Variants in APOBEC3F observed in about 807,000 individuals in gnomAD.
APOBEC3F encodes the protein DNA dC->dU-editing enzyme APOBEC-3F.
Under a neutral mutation model 45.8 loss-of-function variants are expected in APOBEC3F, and 34 were observed. The observed-to-expected ratio is 0.74, with a 90% CI of 0.57 to 0.99. APOBEC3F has a LOEUF of 0.99. Ranked by LOEUF, APOBEC3F falls within the 50% of genes least tolerant of loss-of-function variation. APOBEC3F has a pLI of 0.00. For missense variants in APOBEC3F, 459 were observed against 474.1 expected, an observed-to-expected ratio of 0.97 and a Z score of 0.30; for synonymous variants, 192 against 174.4, an observed-to-expected ratio of 1.10 and a Z score of -0.80.
chr22:39,048,789 G>A (rs1386306382), intron 4 of APOBEC3F, among the ~76,000 whole-genome samples: 2 of 151,118 alleles, frequency 1.3e-5, no homozygotes, highest in Non-Finnish European at 2.9e-5. Flanking sequence ...CCTGGCGACA[G>A]ACTGAGACCC....
rs906029109 is a variant in APOBEC3F, at chr22:39,046,901, C to T, written c.566+1359C>T. ...GAGATGCCAGGAGCTCTCCAGGAAGCACAATAGAAAAAGGCAACCAGAGAC... is the reference window on the plus strand; with the variant it reads ...GAGATGCCAGGAGCTCTCCAGGAAGTACAATAGAAAAAGGCAACCAGAGAC... On this transcript the variant is annotated intron_variant, in intron 4 of 6. Transcript: ENST00000308521. Among the ~76,000 whole-genome samples, 9 of 152,162 alleles carry T rather than the reference C, an allele frequency of 5.9e-5. No homozygotes were observed. The Middle Eastern group carries it at 0.014, about 230-fold the overall frequency.
chr22:39,049,571 T>A lies in APOBEC3F; in HGVS notation c.713T>A (p.Phe238Tyr). The change falls in exon 5 of 7, where the codon TTC becomes TAC. Residue 238 changes from phenylalanine (F) to tyrosine (Y), a missense_variant. Phe to Tyr is a conservative substitution (Grantham distance 22). Coordinates refer to ENST00000308521, the MANE Select transcript of APOBEC3F (RefSeq NM_145298.6). ...HSPVSWKRGV[F>Y]RNQVDPETHC... Reference sequence around the variant, plus strand: ...CCTGTCTCCTGGAAGAGGGGCGTCTTCCGAAACCAGGTAGCACCAAAGTCC... The same window carrying A: ...CCTGTCTCCTGGAAGAGGGGCGTCTACCGAAACCAGGTAGCACCAAAGTCC... 1 of 1,614,012 alleles carries A rather than the reference T, an allele frequency of 6.2e-7. No homozygotes were observed. Among genetic ancestry groups the A allele is most frequent in the East Asian group, 2.2e-5 (1 of 44,886 alleles).
Position 39,055,945 on chromosome 22 carries a change from G to A in APOBEC3F, c.*3250G>A, listed in dbSNP as rs1475292543. Reference sequence around the variant, plus strand: ...AGATGCAAGTCTGTCAACGCTCCCAGCTGATTAAAGCCTCTTCCTTCCTAA... The same window carrying A: ...AGATGCAAGTCTGTCAACGCTCCCAACTGATTAAAGCCTCTTCCTTCCTAA... On this transcript the variant is annotated 3_prime_UTR_variant, in exon 7 of 7. Coordinates refer to ENST00000308521, the MANE Select transcript of APOBEC3F (RefSeq NM_145298.6). 6.6e-6 allele frequency among the ~76,000 whole-genome samples: 1 copy of A among 152,212 alleles called. No individual in the cohort carries two copies. Among genetic ancestry groups the A allele is most frequent in the Non-Finnish European group, 1.5e-5 (1 of 68,036 alleles).
intron 1 of APOBEC3F, among the ~76,000 whole-genome samples, chr22:39,041,662 G>A (rs1490459556): frequency 2.6e-5 from 4 of 151,998 alleles, no homozygotes; most frequent in South Asian, 4.2e-4. Flanking sequence ...TCGGGAGTTC[G>A]AGACCATCCT....
At chr22:39,042,306 C>CTTTTTTTTTTT (rs1569067992) in intron 1 of APOBEC3F, among the ~76,000 whole-genome samples, 2 of 132,532 alleles carry the variant, frequency 1.5e-5, no homozygotes. Context: ...TTTATTCTCT[C>CTTTTTTTTTTT]TCTCTTTTTT....
At position 39,052,153 on chromosome 22, in the gene APOBEC3F, A is replaced by G; in HGVS notation, c.803A>G (p.Asn268Ser). Reference protein sequence around the residue: ...FCDDILSPNTNYEVTWYTSWS... With the variant: ...FCDDILSPNTSYEVTWYTSWS... ...GACGACATACTGTCTCCTAACACAA[A>G]CTACGAGGTCACCTGGTACACATCT... The change falls in exon 6 of 7, where the codon AAC (asparagine) becomes AGC (serine). Residue 268 changes from asparagine (N) to serine (S), a missense_variant. Coordinates refer to ENST00000308521, the MANE Select transcript of APOBEC3F (RefSeq NM_145298.6). The G allele has an allele frequency of 6.2e-7, 1 of 1,613,952 alleles. No homozygotes were observed. The highest frequency in any genetic ancestry group is 8.5e-7 in the Non-Finnish European group (1 of 1,179,910).
chr22:39,047,367 C>G (rs549830627), intron 4 of APOBEC3F, among the ~76,000 whole-genome samples: 2 of 152,282 alleles, frequency 1.3e-5, no homozygotes, highest in Admixed American at 6.5e-5. Flanking sequence ...GAGACCTGCA[C>G]TCAGATGGGC....
chr22:39,050,557 T>G (rs1927437708), intron 5 of APOBEC3F, among the ~76,000 whole-genome samples: 1 of 149,966 alleles, frequency 6.7e-6, no homozygotes, highest in South Asian at 2.1e-4. Context: ...CGACAAGAAC[T>G]TGTGGAAGAA....
chr22:39,041,285 C>T lies in APOBEC3F; in HGVS notation c.17+308C>T, dbSNP rs73421880. Among the ~76,000 whole-genome samples the T allele has an allele frequency of 4.0e-3, 610 of 152,328 alleles. 4 individuals carry two copies. Among genetic ancestry groups the T allele is most frequent in the African/African-American group, 0.014 (581 of 41,574 alleles). The stretch of plus-strand genomic sequence containing the variant: ...CCTGGGAGGGTGCTCCCTCTGTGTT[C>T]TTTCCGCCATTCCTGAACTCTGGAA... On this transcript the variant is annotated intron_variant, in intron 1 of 6. Coordinates refer to ENST00000308521, the MANE Select transcript of APOBEC3F (RefSeq NM_145298.6).
Position 39,052,675 on chromosome 22 carries a change from C to G in APOBEC3F, c.1102C>G (p.Leu368Val), listed in dbSNP as rs756141068. The G allele has an allele frequency of 6.2e-7, 1 of 1,613,484 alleles. No homozygotes were observed. The highest frequency in any genetic ancestry group is 8.5e-7 in the Non-Finnish European group (1 of 1,179,612). ...KYNFLFLDSK[L>V]QEILE is the part of the protein sequence containing the mutation. ...CAACTTTCTATTCCTGGACAGCAAG[C>G]TGCAGGAGATTCTCGAGTGAGGGGT... Residue 368 changes from leucine to valine, a missense_variant, in exon 7 of 7, where the codon CTG becomes GTG. Physicochemically the swap from Leu to Val is conservative, Grantham distance 32. Transcript: ENST00000308521.
At chr22:39,048,536 G>A (rs1252373970) in intron 4 of APOBEC3F, among the ~76,000 whole-genome samples, 1 of 151,834 alleles carries the variant, frequency 6.6e-6, no homozygotes, top group Admixed American at 6.6e-5. Context: ...AGGTCTGGCC[G>A]CGATGGCTCA....
At chr22:39,049,310 G>T (rs144119358) in intron 4 of APOBEC3F, 115 bp from the exon 5 acceptor site, 3 of 1,275,316 alleles carry the variant, frequency 2.4e-6, no homozygotes, top group Non-Finnish European at 3.3e-6. Flanking sequence ...CAGTCTTTCT[G>T]CCTGGGAAAG....
At chr22:39,043,213 T>G in intron 2 of APOBEC3F, 123 bp downstream of exon 2, 4 of 1,337,304 alleles carry the variant, frequency 3.0e-6, no homozygotes, top group South Asian at 1.5e-5. Flanking sequence ...TCCCACACTT[T>G]CCAAGTCCGT....
chr22:39,044,139 G>C (rs1364435287), intron 2 of APOBEC3F: 2 of 1,574,444 alleles, frequency 1.3e-6, no homozygotes, highest in South Asian at 1.2e-5. Context: ...CCTTTGGCCA[G>C]TGCGCCCCAC....
At chr22:39,047,372 ATGGGCCTG>A (rs1927275145) in intron 4 of APOBEC3F, among the ~76,000 whole-genome samples, 1 of 152,100 alleles carries the variant, frequency 6.6e-6, no homozygotes, top group South Asian at 2.1e-4. Flanking sequence ...CTGCACTCAG[ATGGGCCTG>A]TGAGGTCACT....
At chr22:39,044,030 C>G in intron 2 of APOBEC3F, 1 of 1,491,538 alleles carries the variant, frequency 6.7e-7, no homozygotes, top group Non-Finnish European at 9.0e-7. Flanking sequence ...CGTCTCAAAA[C>G]AAAAACAAAA....
In APOBEC3F at chr22:39,052,701, C is replaced by T. The variant is rs1275581744; in HGVS notation, c.*6C>T. 1 of 1,609,288 alleles carries T rather than the reference C, an allele frequency of 6.2e-7. No homozygotes were observed. Among genetic ancestry groups the T allele is most frequent in the Non-Finnish European group, 8.5e-7 (1 of 1,176,932 alleles). On this transcript the variant is annotated 3_prime_UTR_variant, in exon 7 of 7. Coordinates refer to ENST00000308521, the MANE Select transcript of APOBEC3F (RefSeq NM_145298.6). ...TGCAGGAGATTCTCGAGTGAGGGGT[C>T]TCCCCGGGCCTCATGGTCTGTCTCC...
rs1442426958 is a variant in APOBEC3F, at chr22:39,054,278, C to T, written c.*1583C>T. Among the ~76,000 whole-genome samples, 1 of 152,130 alleles carries T rather than the reference C, an allele frequency of 6.6e-6. No individual in the cohort carries two copies. Among genetic ancestry groups the T allele is most frequent in the East Asian group, 1.9e-4 (1 of 5,194 alleles). On this transcript the variant is annotated 3_prime_UTR_variant, in exon 7 of 7. Coordinates refer to ENST00000308521, the MANE Select transcript of APOBEC3F (RefSeq NM_145298.6). ...ATGGAGTCTTGCTCTGTTGCCCAGG[C>T]TGGGGTGCAGTGGTGCAATCTGGGT...
Position 39,052,572 on chromosome 22 carries a change from C to G in APOBEC3F, c.1004-5C>G. 1 of 1,610,438 alleles carries G rather than the reference C, an allele frequency of 6.2e-7. No individual in the cohort carries two copies. Among genetic ancestry groups the G allele is most frequent in the Non-Finnish European group, 8.5e-7 (1 of 1,178,308 alleles). On this transcript the variant is annotated splice_polypyrimidine_tract_variant and splice_region_variant and intron_variant, in intron 6 of 6. Coordinates refer to ENST00000308521, the MANE Select transcript of APOBEC3F (RefSeq NM_145298.6). ...CCTCACTGCTTTCTCCTTGTTTTTT[C>G]TCAGATTTTAAATATTGTTGGGAAA...
Sources: gnomAD v4.1 joint callset for allele counts (sites outside exome capture counted in the v4.1 genomes callset) on GRCh38, gnomAD v4.1.1 for gene constraint, MANE v1.5 for transcripts, NCBI Gene and HGNC (gene_info 2026-07-23, HGNC 2026-07-21) for gene names.